The following PHF24 variants were observed in gnomAD, a reference collection of about 807,000 sequenced individuals.
The protein encoded by PHF24 is PHD finger protein 24.
In PHF24, 25 loss-of-function variants were observed where a neutral mutation model predicts 42.6. That is an observed-to-expected ratio of 0.59 (90% confidence interval 0.43 to 0.82). PHF24 has a LOEUF of 0.82. Ranked by LOEUF, PHF24 falls within the 40% of genes least tolerant of loss-of-function variation. PHF24 has a pLI of 0.00. For missense variants in PHF24, 470 were observed against 538.1 expected, an observed-to-expected ratio of 0.87 and a Z score of 1.25; for synonymous variants, 185 against 204.8, an observed-to-expected ratio of 0.90 and a Z score of 0.83.
the PHF24 span, among the ~76,000 whole-genome samples, chr9:34,733,747 CCTGCCT>C: frequency 2.0e-5 from 3 of 152,082 alleles, no homozygotes; most frequent in African/African-American, 7.2e-5. Flanking sequence ...ATGCAATCCT[CCTGCCT>C]CGGCCCTCCA....
At chr9:34,741,066 A>G in the PHF24 span, among the ~76,000 whole-genome samples, 1 of 151,896 alleles carries the variant, frequency 6.6e-6, no homozygotes, top group Admixed American at 6.6e-5. Flanking sequence ...TTGTATTATT[A>G]GTAGAGACGG....
chr9:34,702,369 C>A, the PHF24 span, among the ~76,000 whole-genome samples: 1 of 152,132 alleles, frequency 6.6e-6, no homozygotes, highest in East Asian at 1.9e-4. Context: ...GGGGATACTC[C>A]GAGCAGAAGC....
the PHF24 span, chr9:34,723,197 G>T: frequency 6.5e-7 from 1 of 1,538,674 alleles, no homozygotes; most frequent in Non-Finnish European, 8.8e-7. Context: ...CTCCTTGAGC[G>T]GACCAATGTT....
the PHF24 span, among the ~76,000 whole-genome samples, chr9:34,943,247 T>C: frequency 0.013 from 1,924 of 152,324 alleles, 44 homozygotes; most frequent in African/African-American, 0.044. Flanking sequence ...ATTGTTTGTT[T>C]ACTCTCTTGG....
chr9:34,943,848 C>T, the PHF24 span, among the ~76,000 whole-genome samples: 2 of 152,184 alleles, frequency 1.3e-5, no homozygotes, highest in Non-Finnish European at 2.9e-5. Context: ...TATCAATGAG[C>T]CCAGCTCTGT....
At chr9:34,760,033 C>A in the PHF24 span, among the ~76,000 whole-genome samples, 3,504 of 152,268 alleles carry the variant, frequency 0.023, 155 homozygotes, top group African/African-American at 0.08. Context: ...TGGCATTTCT[C>A]ACGATGTGGG....
the PHF24 span, among the ~76,000 whole-genome samples, chr9:34,817,811 A>G: frequency 6.6e-6 from 1 of 152,198 alleles, no homozygotes; most frequent in Non-Finnish European, 1.5e-5. Flanking sequence ...AGTTCTTTTT[A>G]AAAGTGAGAA....
At chr9:34,964,538 C>T (rs7039317) in intron 1 of PHF24, among the ~76,000 whole-genome samples, 36,017 of 152,096 alleles carry the variant, frequency 0.24, 5,094 homozygotes, top group East Asian at 0.68. Flanking sequence ...ATAGAGGCTC[C>T]CCAGCTTCCT....
the PHF24 span, among the ~76,000 whole-genome samples, chr9:34,856,614 A>G: frequency 6.6e-6 from 1 of 152,200 alleles, no homozygotes; most frequent in Non-Finnish European, 1.5e-5. Flanking sequence ...TTACCAGTTA[A>G]GGCTGCAAAA....
At chr9:34,925,748 T>C in the PHF24 span, among the ~76,000 whole-genome samples, 1 of 152,082 alleles carries the variant, frequency 6.6e-6, no homozygotes, top group African/African-American at 2.4e-5. Context: ...TTCCTTAAGG[T>C]TGTTATTTTG....
chr9:34,737,805 C>T, the PHF24 span, among the ~76,000 whole-genome samples: 1 of 152,196 alleles, frequency 6.6e-6, no homozygotes, highest in South Asian at 2.1e-4. Context: ...TATAGTCCGA[C>T]ATGCTTTTAC....
chr9:34,889,119 T>C, the PHF24 span: 3 of 398,482 alleles, frequency 7.5e-6, no homozygotes. Flanking sequence ...ACCTGCATGT[T>C]AATGGAAATG....
the PHF24 span, among the ~76,000 whole-genome samples, chr9:34,767,799 C>T: frequency 6.6e-6 from 1 of 152,266 alleles, no homozygotes; most frequent in Non-Finnish European, 1.5e-5. Flanking sequence ...TTCTGCGTCG[C>T]TCACGCTGGG....
At chr9:34,806,151 T>C in the PHF24 span, among the ~76,000 whole-genome samples, 1 of 152,314 alleles carries the variant, frequency 6.6e-6, no homozygotes, top group African/African-American at 2.4e-5. Flanking sequence ...TTGGGAAATG[T>C]GAGTCCTCTT....
At chr9:34,710,439 A>C in the PHF24 span, among the ~76,000 whole-genome samples, 1 of 151,362 alleles carries the variant, frequency 6.6e-6, no homozygotes, top group Non-Finnish European at 1.5e-5. Flanking sequence ...TCCTTCCAGC[A>C]AATCTGATTA....
chr9:34,876,540 A>AGTC, the PHF24 span, among the ~76,000 whole-genome samples: 1 of 152,166 alleles, frequency 6.6e-6, no homozygotes, highest in Non-Finnish European at 1.5e-5. Flanking sequence ...ATAGACAGAC[A>AGTC]GTCTCCAAAG....
the PHF24 span, among the ~76,000 whole-genome samples, chr9:34,940,614 TGTTATCTATAACCTTGGCAGGTCTTG>T: frequency 6.6e-6 from 1 of 152,110 alleles, no homozygotes; most frequent in Non-Finnish European, 1.5e-5. Flanking sequence ...GTTCCCTCTT[TGTTATCTATAACCTTGGCAGGTCTTG>T]GTGGCTTACC....
chr9:34,959,105 C>T (rs146267771), intron 1 of PHF24, among the ~76,000 whole-genome samples: 25 of 152,210 alleles, frequency 1.6e-4, no homozygotes, highest in Non-Finnish European at 2.6e-4. Context: ...TTAGTGGAGA[C>T]AGAAACTGCT....
the PHF24 span, chr9:34,833,743 T>A: frequency 5.8e-6 from 9 of 1,543,720 alleles, no homozygotes; most frequent in Admixed American, 3.9e-5. Context: ...GGAACTCTTT[T>A]GCAACGTCTG....
Sources: gnomAD v4.1 joint callset for allele counts (sites outside exome capture counted in the v4.1 genomes callset) on GRCh38, gnomAD v4.1.1 for gene constraint, MANE v1.5 for transcripts, NCBI Gene and HGNC (gene_info 2026-07-23, HGNC 2026-07-21) for gene names.